Variants in TAF3 observed in about 807,000 individuals in gnomAD.
TAF3 encodes TATA-box binding protein associated factor 3, also known as transcription initiation factor TFIID subunit 3.
Under a neutral mutation model 80.6 loss-of-function variants are expected in TAF3, and 7 were observed. The observed-to-expected ratio is 0.09, with a 90% CI of 0.05 to 0.16. The LOEUF is 0.16. Ranked by LOEUF, TAF3 falls within the 10% of genes least tolerant of loss-of-function variation. TAF3 has a pLI of 1.00. For missense variants in TAF3, 921 were observed against 1,140.2 expected, an observed-to-expected ratio of 0.81 and a Z score of 2.77; for synonymous variants, 444 against 446.1, an observed-to-expected ratio of 1.00 and a Z score of 0.06.
intron 2 of TAF3, among the ~76,000 whole-genome samples, chr10:7,945,621 C>A (rs2131399659): frequency 6.6e-6 from 1 of 152,194 alleles, no homozygotes; most frequent in Non-Finnish European, 1.5e-5. Flanking sequence ...AGTAACTACC[C>A]ACCCGGCTAC....
At chr10:7,845,021 T>TA (rs1258400410) in intron 2 of TAF3, among the ~76,000 whole-genome samples, 6 of 152,222 alleles carry the variant, frequency 3.9e-5, no homozygotes, top group Non-Finnish European at 8.8e-5. Flanking sequence ...AGGTCAAAGG[T>TA]ATAAACACAT....
intron 4 of TAF3, among the ~76,000 whole-genome samples, chr10:7,993,625 GT>G (rs1439431782): frequency 3.3e-5 from 5 of 152,132 alleles, no homozygotes. Flanking sequence ...TTAGTCCTAA[GT>G]GCTTGATTAG....
chr10:7,942,922 C>T (rs1368385677), intron 2 of TAF3, among the ~76,000 whole-genome samples: 1 of 152,214 alleles, frequency 6.6e-6, no homozygotes, highest in African/African-American at 2.4e-5. Flanking sequence ...TGTAGGCTGT[C>T]TGTGCAGGTC....
At chr10:7,963,185 T>A (rs547244240) in intron 2 of TAF3, among the ~76,000 whole-genome samples, 62 of 152,338 alleles carry the variant, frequency 4.1e-4, no homozygotes, top group African/African-American at 1.4e-3. Flanking sequence ...ATAAAAGTCC[T>A]AAAAATACCT....
At chr10:7,927,697 G>A (rs1837828598) in intron 2 of TAF3, among the ~76,000 whole-genome samples, 1 of 152,076 alleles carries the variant, frequency 6.6e-6, no homozygotes, top group Non-Finnish European at 1.5e-5. Context: ...CTTAAATTGT[G>A]ATGTTTAATT....
chr10:7,893,778 T>C (rs888997057), intron 2 of TAF3, among the ~76,000 whole-genome samples: 2 of 152,192 alleles, frequency 1.3e-5, no homozygotes, highest in Non-Finnish European at 2.9e-5. Context: ...TTTGCCCGTA[T>C]CAATATTTTA....
intron 2 of TAF3, among the ~76,000 whole-genome samples, chr10:7,923,424 T>C (rs375125253): frequency 1.2e-3 from 178 of 152,180 alleles, no homozygotes; most frequent in African/African-American, 4.1e-3. Context: ...GGGTGGAACT[T>C]TAATATCTGT....
chr10:7,865,959 C>T (rs1394154955), intron 2 of TAF3, among the ~76,000 whole-genome samples: 3 of 152,230 alleles, frequency 2.0e-5, no homozygotes, highest in African/African-American at 7.2e-5. Flanking sequence ...CAGACTGGAG[C>T]ATGTGGTGCA....
At chr10:7,858,499 G>T (rs538404528) in intron 2 of TAF3, among the ~76,000 whole-genome samples, 20 of 152,216 alleles carry the variant, frequency 1.3e-4, no homozygotes, top group African/African-American at 4.8e-4. Context: ...CACTAGTTCC[G>T]GATCTTACTG....
At chr10:7,859,309 A>AATAT (rs1175448545) in intron 2 of TAF3, among the ~76,000 whole-genome samples, 224 of 138,920 alleles carry the variant, frequency 1.6e-3, no homozygotes, top group African/African-American at 5.9e-3. Flanking sequence ...TAAATAAATA[A>AATAT]ATAAATAAAA....
At chr10:7,865,114 G>A (rs117128113) in intron 2 of TAF3, among the ~76,000 whole-genome samples, 1 of 152,130 alleles carries the variant, frequency 6.6e-6, no homozygotes, top group Non-Finnish European at 1.5e-5. Context: ...GCTTCAGAGG[G>A]AAGTGAGTGG....
At chr10:7,879,554 A>G (rs1347463620) in intron 2 of TAF3, among the ~76,000 whole-genome samples, 3 of 152,206 alleles carry the variant, frequency 2.0e-5, no homozygotes, top group Non-Finnish European at 2.9e-5. Context: ...TTATTATACT[A>G]ATAAGCCCTA....
At chr10:7,952,573 A>C (rs1838092047) in intron 2 of TAF3, among the ~76,000 whole-genome samples, 1 of 152,180 alleles carries the variant, frequency 6.6e-6, no homozygotes, top group African/African-American at 2.4e-5. Flanking sequence ...CATATAGATT[A>C]GGCCATTTAT....
Position 7,964,367 on chromosome 10 carries a change from C to T in TAF3, c.857C>T (p.Pro286Leu). 1 of 1,614,114 alleles carries T rather than the reference C, an allele frequency of 6.2e-7. No individual in the cohort carries two copies. The highest frequency in any genetic ancestry group is 8.5e-7 in the Non-Finnish European group (1 of 1,180,022). ...TSSPGQKTKSPKTAQSPAMVG... is the reference protein window; with the variant it reads ...TSSPGQKTKSLKTAQSPAMVG... ...TCTCCAGGACAGAAGACTAAATCACCTAAAACCGCCCAGTCACCAGCAATG... is the reference window on the plus strand; with the variant it reads ...TCTCCAGGACAGAAGACTAAATCACTTAAAACCGCCCAGTCACCAGCAATG... The change falls in exon 3 of 7, where the codon CCT (proline) becomes CTT (leucine). Residue 286 changes from proline to leucine, a missense_variant. Transcript: ENST00000344293. This position sits in a 1 kb window ranked among gnomAD's most constrained non-coding sequence, Gnocchi z 4.1.
At chr10:7,946,164 G>A (rs940521188) in intron 2 of TAF3, among the ~76,000 whole-genome samples, 11 of 151,298 alleles carry the variant, frequency 7.3e-5, no homozygotes, top group African/African-American at 2.4e-4. Context: ...TAAAACTACC[G>A]GTGACTTCCT....
chr10:7,966,747 G>A (rs143668898), intron 3 of TAF3, among the ~76,000 whole-genome samples: 5 of 152,058 alleles, frequency 3.3e-5, no homozygotes, highest in Non-Finnish European at 7.4e-5. Flanking sequence ...CAATAAATTC[G>A]GAGTATTTTT....
chr10:7,824,194 C>T (rs555984056), intron 1 of TAF3, 124 bp from the exon 2 acceptor site: 2 of 1,110,558 alleles, frequency 1.8e-6, no homozygotes, highest in Non-Finnish European at 2.5e-6. Context: ...TAAATTCTTT[C>T]CAATAACTAG....
chr10:7,979,099 C>T (rs188034915), intron 4 of TAF3, among the ~76,000 whole-genome samples: 1 of 152,074 alleles, frequency 6.6e-6, no homozygotes, highest in African/African-American at 2.4e-5. Context: ...AATCCCAGCA[C>T]TTTGGGAGGC....
intron 2 of TAF3, among the ~76,000 whole-genome samples, chr10:7,888,948 C>T (rs758000803): frequency 1.7e-4 from 26 of 152,140 alleles, no homozygotes; most frequent in Non-Finnish European, 3.5e-4. Flanking sequence ...GAGATTAGCC[C>T]GTGATTGCAG....
Sources: gnomAD v4.1 joint callset for allele counts (sites outside exome capture counted in the v4.1 genomes callset) on GRCh38, gnomAD v4.1.1 for gene constraint, Gnocchi (gnomAD v3.1) non-coding constraint, MANE v1.5 for transcripts, NCBI Gene and HGNC (gene_info 2026-07-23, HGNC 2026-07-21) for gene names.